The following RABGAP1L variants were observed in gnomAD, a reference collection of about 807,000 sequenced individuals.
RABGAP1L encodes RAB GTPase activating protein 1 like.
RABGAP1L carries 63 observed loss-of-function variants against 137.7 expected under a neutral mutation model. The observed-to-expected ratio is 0.46, with a 90% confidence interval of 0.37 to 0.56. RABGAP1L has a LOEUF of 0.56. Among genes scored for constraint, RABGAP1L ranks in the 20% least tolerant of loss-of-function variants. The pLI is 0.00. For missense variants in RABGAP1L, 1,095 were observed against 1,244.0 expected, an observed-to-expected ratio of 0.88 and a Z score of 1.80; for synonymous variants, 431 against 433.7, an observed-to-expected ratio of 0.99 and a Z score of 0.08.
chr1:174,401,302 C>A (rs1648549846), intron 13 of RABGAP1L, among the ~76,000 whole-genome samples: 1 of 152,116 alleles, frequency 6.6e-6, no homozygotes, highest in Non-Finnish European at 1.5e-5. Flanking sequence ...AGTCTCACTT[C>A]CTTTTTTGGT....
At chr1:174,304,528 A>G (rs1678018089) in intron 10 of RABGAP1L, among the ~76,000 whole-genome samples, 1 of 152,096 alleles carries the variant, frequency 6.6e-6, no homozygotes, top group East Asian at 1.9e-4. Flanking sequence ...AAAATATAAC[A>G]ACTATATCTG....
chr1:174,838,765 A>G lies in RABGAP1L; in HGVS notation c.2340+26805A>G, dbSNP rs1210965475. ...ACCCCGTCTCTACTAAAAATACAAA[A>G]AATTAGCCGGGCTTGCTGGCGGGCG... On this transcript the variant is annotated intron_variant, in intron 19 of 25. Coordinates refer to ENST00000681986, the MANE Select transcript of RABGAP1L (RefSeq NM_001366446.1). Among the ~76,000 whole-genome samples, 5 of 151,492 alleles carry G rather than the reference A, an allele frequency of 3.3e-5. No individual in the cohort carries two copies. The East Asian group carries it at 7.8e-4, about 24-fold the overall frequency.
intron 13 of RABGAP1L, among the ~76,000 whole-genome samples, chr1:174,570,468 G>C (rs1204820757): frequency 6.6e-6 from 1 of 152,090 alleles, no homozygotes; most frequent in African/African-American, 2.4e-5. Flanking sequence ...CTAAACATTT[G>C]ATACACACGA....
At chr1:174,701,218 GA>G (rs1287537849) in intron 16 of RABGAP1L, 1 of 1,267,590 alleles carries the variant, frequency 7.9e-7, no homozygotes. Flanking sequence ...TAAATTGGGA[GA>G]AAAAAATAAA....
intron 24 of RABGAP1L, among the ~76,000 whole-genome samples, chr1:174,988,060 T>G (rs1671754401): frequency 6.6e-6 from 1 of 152,160 alleles, no homozygotes; most frequent in African/African-American, 2.4e-5. Context: ...CTGCCTGCCT[T>G]GGACTCCCAA....
At chr1:174,980,151 A>G (rs1380077163) in intron 23 of RABGAP1L, among the ~76,000 whole-genome samples, 1 of 152,196 alleles carries the variant, frequency 6.6e-6, no homozygotes, top group Non-Finnish European at 1.5e-5. Context: ...TAAAATATAT[A>G]TAAACAGGAT....
intron 22 of RABGAP1L, among the ~76,000 whole-genome samples, chr1:174,977,958 G>A (rs533470374): frequency 1.8e-4 from 27 of 152,086 alleles, no homozygotes; most frequent in Non-Finnish European, 2.2e-4. Context: ...CAGAGTATAC[G>A]CCATTAATAA....
chr1:174,582,839 C>A (rs2148094486), intron 13 of RABGAP1L, among the ~76,000 whole-genome samples: 1 of 152,162 alleles, frequency 6.6e-6, no homozygotes, highest in East Asian at 1.9e-4. Flanking sequence ...TCCTTTAATC[C>A]AAGCATTTCC....
chr1:174,558,158 G>A (rs1251542194), intron 13 of RABGAP1L, among the ~76,000 whole-genome samples: 2 of 152,150 alleles, frequency 1.3e-5, no homozygotes, highest in African/African-American at 2.4e-5. Context: ...CAGTTCATCC[G>A]TATTACTCTT....
rs1030096203 is a variant in RABGAP1L, at chr1:174,253,553, G to A, written c.986+963G>A. Among the ~76,000 whole-genome samples the A allele has an allele frequency of 3.3e-5, 5 of 152,146 alleles. No individual in the cohort carries two copies. In the South Asian group the frequency reaches 1.0e-3, roughly 32 times the overall value. ...TTAATTCAATACCTAGTACTTCTTT[G>A]TCTTTGTTGCTACATATTTGTTAAA... is the stretch of plus-strand genomic sequence containing the variant. On this transcript the variant is annotated intron_variant, in intron 7 of 25. Transcript: ENST00000681986.
chr1:174,667,291 C>A (rs1676858746), intron 14 of RABGAP1L, among the ~76,000 whole-genome samples: 1 of 152,072 alleles, frequency 6.6e-6, no homozygotes, highest in Admixed American at 6.5e-5. Flanking sequence ...CATAGGTACC[C>A]CCATCTCCAT....
At chr1:174,243,359 G>C (rs1172646346) in intron 5 of RABGAP1L, among the ~76,000 whole-genome samples, 2 of 152,034 alleles carry the variant, frequency 1.3e-5, no homozygotes, top group African/African-American at 4.8e-5. Context: ...TTTTTCCATT[G>C]CACGTTGTAA....
rs145288245 is a variant in RABGAP1L, at chr1:174,305,380, A to G, written c.1465+253A>G. Among the ~76,000 whole-genome samples, 506 of 151,958 alleles carry G rather than the reference A, an allele frequency of 3.3e-3. 2 individuals carry two copies. The highest frequency in any genetic ancestry group is 0.01 in the Middle Eastern group (3 of 294). Reference sequence around the variant, plus strand: ...CTGCTGTTGTTTTCTATTTTATTTCAATTATTTTTATTTTTTATTTTCTTG... The same window carrying G: ...CTGCTGTTGTTTTCTATTTTATTTCGATTATTTTTATTTTTTATTTTCTTG... On this transcript the variant is annotated intron_variant, in intron 11 of 25. Coordinates refer to ENST00000681986, the MANE Select transcript of RABGAP1L (RefSeq NM_001366446.1).
chr1:174,925,410 G>A (rs1278403858), intron 19 of RABGAP1L, among the ~76,000 whole-genome samples: 1 of 150,148 alleles, frequency 6.7e-6, no homozygotes, highest in Non-Finnish European at 1.5e-5. Flanking sequence ...AAAAACAGCT[G>A]GTGAAAAAAC....
chr1:174,970,040 A>G (rs561700210), intron 21 of RABGAP1L, among the ~76,000 whole-genome samples: 3 of 152,362 alleles, frequency 2.0e-5, no homozygotes, highest in African/African-American at 4.8e-5. Context: ...ATTCAAAAAC[A>G]AAAACAAAAA....
rs371240194 is a variant in RABGAP1L at position 174,250,565 on chromosome 1, G to A, written c.808G>A (p.Asp270Asn). 2.7e-5 allele frequency: 44 copies of A among 1,613,732 alleles called. No homozygotes were observed. The highest frequency in any genetic ancestry group is 1.6e-4 in the Middle Eastern group (1 of 6,084). ...DVKDSVIPTP[D>N]SDVFTFSVSL... ...TAAAGACTCAGTTATTCCTACCCCC[G>A]ACAGTGATGTGTTTACCTTCAGTGT... Residue 270 changes from aspartate to asparagine, a missense_variant, in exon 6 of 26, where the codon GAC (aspartate) becomes AAC (asparagine). Coordinates refer to ENST00000681986, the MANE Select transcript of RABGAP1L (RefSeq NM_001366446.1).
chr1:174,967,929 C>CAA (rs200800559), intron 20 of RABGAP1L, among the ~76,000 whole-genome samples: 16,793 of 134,556 alleles, frequency 0.12, 3,313 homozygotes, highest in African/African-American at 0.42. Context: ...TATTTTTTTC[C>CAA]AAAAAAAAAA....
chr1:174,746,107 G>T (rs1573008304), intron 17 of RABGAP1L, among the ~76,000 whole-genome samples: 1 of 152,106 alleles, frequency 6.6e-6, no homozygotes, highest in Non-Finnish European at 1.5e-5. Flanking sequence ...CTGAACCCAC[G>T]ATTGCCTGCT....
chr1:174,166,204 A>G (rs765354174), intron 1 of RABGAP1L, among the ~76,000 whole-genome samples: 4 of 152,112 alleles, frequency 2.6e-5, no homozygotes, highest in Non-Finnish European at 5.9e-5. Context: ...AAAGTGAAAA[A>G]TATTTTATTT....
Sources: gnomAD v4.1 joint callset for allele counts (sites outside exome capture counted in the v4.1 genomes callset) on GRCh38, gnomAD v4.1.1 for gene constraint, MANE v1.5 for transcripts, NCBI Gene and HGNC (gene_info 2026-07-23, HGNC 2026-07-21) for gene names.